NRCAM: variants seen among roughly 807,000 people sequenced by gnomAD.
NRCAM encodes the protein NgCAM-related cell adhesion molecule.
Under a neutral mutation model 156.5 loss-of-function variants are expected in NRCAM, and 83 were observed. That is an observed-to-expected ratio of 0.53 (90% CI 0.44 to 0.64). The LOEUF (loss-of-function observed/expected upper bound fraction) is 0.64, where lower values mean the gene tolerates loss of function less well. NRCAM is among the 30% of genes least tolerant of loss of function. NRCAM has a pLI of 0.00. For synonymous variants in NRCAM, 538 were observed against 563.9 expected, an observed-to-expected ratio of 0.95 and a Z score of 0.65; for missense variants, 1,417 against 1,597.3, an observed-to-expected ratio of 0.89 and a Z score of 1.92.
intron 11 of NRCAM, among the ~76,000 whole-genome samples, chr7:108,216,707 C>T (rs2089189927): frequency 6.6e-6 from 1 of 152,128 alleles, no homozygotes; most frequent in Admixed American, 6.5e-5. Flanking sequence ...TTTGATTCAG[C>T]TATCAATACT....
At chr7:108,229,530 T>A (rs1321003174) in intron 8 of NRCAM, among the ~76,000 whole-genome samples, 2 of 152,182 alleles carry the variant, frequency 1.3e-5, no homozygotes, top group East Asian at 3.9e-4. Flanking sequence ...GCTTTGCTGA[T>A]TTCTCCATGA....
intron 2 of NRCAM, among the ~76,000 whole-genome samples, chr7:108,343,153 A>G (rs569164709): frequency 5.3e-5 from 8 of 152,320 alleles, no homozygotes; most frequent in Non-Finnish European, 1.0e-4. Flanking sequence ...TGATAATGGA[A>G]TACTTGAAAG....
chr7:108,304,832 A>G (rs77390747), intron 3 of NRCAM, among the ~76,000 whole-genome samples: 3,538 of 152,268 alleles, frequency 0.023, 135 homozygotes, highest in African/African-American at 0.081. Flanking sequence ...GGGTCTTTCC[A>G]TACCCTAGAT....
chr7:108,272,503 T>A (rs568303549), intron 3 of NRCAM, among the ~76,000 whole-genome samples: 1 of 152,270 alleles, frequency 6.6e-6, no homozygotes, highest in East Asian at 1.9e-4. Flanking sequence ...TAAGTGTAAA[T>A]GTTTGTACGT....
At chr7:108,289,200 G>A (rs2098207266) in intron 3 of NRCAM, among the ~76,000 whole-genome samples, 1 of 152,028 alleles carries the variant, frequency 6.6e-6, no homozygotes, top group Admixed American at 6.6e-5. Flanking sequence ...AAAACATATA[G>A]ATAAATTCTC....
intron 13 of NRCAM, among the ~76,000 whole-genome samples, chr7:108,198,738 C>A (rs1331306313): frequency 3.3e-5 from 5 of 152,162 alleles, no homozygotes; most frequent in African/African-American, 1.2e-4. Context: ...GGCTAATAAC[C>A]AAATGTGAAA....
chr7:108,289,317 T>C (rs954773566), intron 3 of NRCAM, among the ~76,000 whole-genome samples: 3 of 152,160 alleles, frequency 2.0e-5, no homozygotes, highest in African/African-American at 4.8e-5. Flanking sequence ...TTTTGAAATA[T>C]ATATTCATTG....
At chr7:108,452,923 A>C (rs977874273) in intron 1 of NRCAM, among the ~76,000 whole-genome samples, 7 of 152,154 alleles carry the variant, frequency 4.6e-5, no homozygotes, top group Non-Finnish European at 5.9e-5. Flanking sequence ...GGACCACAAG[A>C]GGGCTTTCTC....
At chr7:108,264,246 G>A (rs2096998946) in intron 3 of NRCAM, among the ~76,000 whole-genome samples, 1 of 152,154 alleles carries the variant, frequency 6.6e-6, no homozygotes, top group Admixed American at 6.5e-5. Context: ...AAAGCACTGG[G>A]ACTATAGGCA....
intron 1 of NRCAM, among the ~76,000 whole-genome samples, chr7:108,416,664 A>G (rs937643969): frequency 4.6e-5 from 7 of 152,210 alleles, no homozygotes; most frequent in African/African-American, 1.4e-4. Context: ...ATGCTTTTCA[A>G]GATTTGAATT....
At chr7:108,327,376 C>CT (rs1257245953) in intron 2 of NRCAM, among the ~76,000 whole-genome samples, 1 of 152,128 alleles carries the variant, frequency 6.6e-6, no homozygotes, top group Non-Finnish European at 1.5e-5. Flanking sequence ...TTTCTGGTGA[C>CT]TTTCATCAGA....
intron 13 of NRCAM, among the ~76,000 whole-genome samples, chr7:108,203,976 T>C (rs1217209743): frequency 1.3e-5 from 2 of 152,158 alleles, no homozygotes; most frequent in Admixed American, 1.3e-4. Context: ...GACTGTGCCC[T>C]CAGTTCCTAC....
chr7:108,415,267 G>A (rs895650930), intron 1 of NRCAM, among the ~76,000 whole-genome samples: 2 of 152,114 alleles, frequency 1.3e-5, no homozygotes, highest in African/African-American at 2.4e-5. Flanking sequence ...CCTGCGGTGG[G>A]ACCTTGAGGG....
At chr7:108,387,117 C>T (rs1180319301) in intron 2 of NRCAM, among the ~76,000 whole-genome samples, 1 of 152,094 alleles carries the variant, frequency 6.6e-6, no homozygotes, top group Non-Finnish European at 1.5e-5. Context: ...TATTTGATGA[C>T]AGAAGGTAAG....
rs1365804100 is a variant in NRCAM at position 108,181,892 on chromosome 7, C to G, written c.2576G>C (p.Ser859Thr). ...PGNVRVNVVN[S>T]TLAEVHWDPV... The stretch of plus-strand genomic sequence containing the variant: ...GTCCCAGTGCACCTCGGCTAAGGTA[C>G]TGTTCACCACATTCACACGCACGTT... The change falls in exon 24 of 33, where the codon AGT (serine) becomes ACT (threonine). Residue 859 changes from serine to threonine, a missense_variant. Ser to Thr is a moderately conservative substitution (Grantham distance 58). Coordinates refer to ENST00000379028, the MANE Select transcript of NRCAM (RefSeq NM_001037132.4). The G allele has an allele frequency of 2.5e-6, 4 of 1,614,142 alleles. No homozygotes were observed. The highest frequency in any genetic ancestry group is 2.5e-6 in the Non-Finnish European group (3 of 1,179,996).
intron 2 of NRCAM, among the ~76,000 whole-genome samples, chr7:108,378,780 A>T (rs1431195144): frequency 6.6e-6 from 1 of 151,912 alleles, no homozygotes; most frequent in Non-Finnish European, 1.5e-5. Context: ...GTGGATAAAG[A>T]GAAGGAAAGA....
At chr7:108,263,169 T>C (rs769037212) in intron 3 of NRCAM, among the ~76,000 whole-genome samples, 3 of 152,196 alleles carry the variant, frequency 2.0e-5, no homozygotes, top group Non-Finnish European at 2.9e-5. Context: ...AAACCCCCAA[T>C]TTCATCTCAG....
intron 1 of NRCAM, among the ~76,000 whole-genome samples, chr7:108,403,241 A>T (rs568488468): frequency 6.6e-6 from 1 of 152,310 alleles, no homozygotes; most frequent in South Asian, 2.1e-4. Flanking sequence ...CACAACATCA[A>T]TATTTCACCT....
intron 1 of NRCAM, among the ~76,000 whole-genome samples, chr7:108,437,411 C>T (rs1456461892): frequency 6.6e-6 from 1 of 152,072 alleles, no homozygotes; most frequent in African/African-American, 2.4e-5. Context: ...TACTGCATAT[C>T]TTAAAATAAC....
Sources: allele counts gnomAD v4.1 joint callset (sites outside exome capture counted in the v4.1 genomes callset), GRCh38; gene constraint gnomAD v4.1.1; transcripts MANE v1.5; gene names NCBI Gene and HGNC (gene_info 2026-07-23, HGNC 2026-07-21).